NDUFA5: variants seen among roughly 807,000 people sequenced by gnomAD.
NDUFA5 encodes NADH dehydrogenase [ubiquinone] 1 alpha subcomplex subunit 5.
A neutral mutation model predicts 19.8 loss-of-function variants in NDUFA5; 11 were observed. That is an observed-to-expected ratio of 0.56 (90% CI 0.35 to 0.92). The LOEUF (loss-of-function observed/expected upper bound fraction) is 0.92. Among genes scored for constraint, NDUFA5 ranks in the 40% least tolerant of loss-of-function variants. NDUFA5 has a pLI of 0.01. For missense variants in NDUFA5, 109 were observed against 134.2 expected, an observed-to-expected ratio of 0.81 and a Z score of 0.93; for synonymous variants, 47 against 46.8, an observed-to-expected ratio of 1.00 and a Z score of -0.01.
At chr7:123,568,820 T>C in the NDUFA5 span, among the ~76,000 whole-genome samples, 9 of 152,156 alleles carry the variant, frequency 5.9e-5, no homozygotes, top group Non-Finnish European at 1.5e-5. Flanking sequence ...ATGAATACCT[T>C]AACATAATTT....
chr7:123,577,671 TAC>T, the NDUFA5 span, among the ~76,000 whole-genome samples: 1 of 152,112 alleles, frequency 6.6e-6, no homozygotes, highest in Non-Finnish European at 1.5e-5. Flanking sequence ...TGTTGAACAA[TAC>T]AGAGTCAAAC....
the NDUFA5 span, among the ~76,000 whole-genome samples, chr7:123,579,101 C>A: frequency 6.6e-6 from 1 of 151,954 alleles, no homozygotes; most frequent in African/African-American, 2.4e-5. Flanking sequence ...TCTATTGTAT[C>A]CATCTTTATG....
rs139337839 is a variant in NDUFA5 at position 123,550,227 on chromosome 7, C to G, written c.183+243G>C. ...AAATAGTGAAGAGAGGTAAAAGGAACAGCTACAATGTTACTTCAAGGAAGG... is the reference window on the plus strand; with the variant it reads ...AAATAGTGAAGAGAGGTAAAAGGAAGAGCTACAATGTTACTTCAAGGAAGG... On this transcript the variant is annotated intron_variant, in intron 3 of 4. Coordinates refer to ENST00000355749, the MANE Select transcript of NDUFA5 (RefSeq NM_005000.5). 6.4e-4 allele frequency: 236 copies of G among 368,160 alleles called. 1 individual carries two copies. The highest frequency in any genetic ancestry group is 4.3e-3 in the African/African-American group (198 of 46,004). 22.8% of individuals were successfully genotyped at this position (368,160 alleles called of 1,614,324 possible). A position where few individuals can be genotyped will look rare whatever the true frequency, so the allele number is the denominator to read the frequency against.
intron 4 of NDUFA5, among the ~76,000 whole-genome samples, chr7:123,542,489 A>G (rs1797975865): frequency 6.6e-6 from 1 of 152,150 alleles, no homozygotes; most frequent in South Asian, 2.1e-4. Flanking sequence ...TTTTATCTTA[A>G]TAATATTTCA....
chr7:123,575,881 A>T, the NDUFA5 span, among the ~76,000 whole-genome samples: 1 of 138,956 alleles, frequency 7.2e-6, no homozygotes, highest in Admixed American at 7.4e-5. Context: ...ATTTTTGGTT[A>T]CTTTTCCCTG....
chr7:123,589,911 A>G, the NDUFA5 span, among the ~76,000 whole-genome samples: 1 of 152,012 alleles, frequency 6.6e-6, no homozygotes, highest in Non-Finnish European at 1.5e-5. Context: ...TTCCACAATT[A>G]TTGAACTAAT....
the NDUFA5 span, chr7:123,567,163 G>A: frequency 6.6e-6 from 1 of 152,196 alleles, no homozygotes; most frequent in East Asian, 1.9e-4. Flanking sequence ...GAGGGGCAGT[G>A]GCTTGAGAGT....
At chr7:123,595,152 C>T in the NDUFA5 span, among the ~76,000 whole-genome samples, 1 of 152,196 alleles carries the variant, frequency 6.6e-6, no homozygotes, top group Non-Finnish European at 1.5e-5. Flanking sequence ...CTAAATGACA[C>T]TTGCCCTAAA....
At position 123,550,603 on chromosome 7, in the gene NDUFA5, T is replaced by C. The variant is rs113635352; in HGVS notation, c.67-17A>G. ...TCTTAGCCTCTGAAAAGACAAACCA[T>C]ACAAATTTCCATAGGTTAAAATATT... is the stretch of plus-strand genomic sequence containing the variant. On this transcript the variant is annotated splice_polypyrimidine_tract_variant and intron_variant, in intron 2 of 4. Transcript: ENST00000355749. 4 of 1,468,382 alleles carry C rather than the reference T, an allele frequency of 2.7e-6. No individual in the cohort carries two copies. The highest frequency in any genetic ancestry group is 1.4e-5 in the African/African-American group (1 of 71,002). 91.0% of individuals were successfully genotyped at this position (1,468,382 alleles called of 1,614,324 possible).
At chr7:123,553,293 A>G (rs1044243302) in intron 2 of NDUFA5, among the ~76,000 whole-genome samples, 1 of 152,392 alleles carries the variant, frequency 6.6e-6, no homozygotes, top group Admixed American at 6.5e-5. Flanking sequence ...TCATGGCAGA[A>G]GATGAAAGAG....
the NDUFA5 span, among the ~76,000 whole-genome samples, chr7:123,593,862 C>T: frequency 6.6e-6 from 1 of 152,282 alleles, no homozygotes; most frequent in South Asian, 2.1e-4. Context: ...TGGATAATAG[C>T]CTGAAGAGTG....
chr7:123,601,194 T>C, the NDUFA5 span, among the ~76,000 whole-genome samples: 2 of 152,184 alleles, frequency 1.3e-5, no homozygotes, highest in African/African-American at 4.8e-5. Context: ...ATAAACTTAA[T>C]TGGTTTTTTA....
At chr7:123,600,119 G>A in the NDUFA5 span, among the ~76,000 whole-genome samples, 1 of 152,098 alleles carries the variant, frequency 6.6e-6, no homozygotes, top group Non-Finnish European at 1.5e-5. Context: ...TGGTGCCATG[G>A]TCATTGTATC....
At chr7:123,584,545 A>T in the NDUFA5 span, among the ~76,000 whole-genome samples, 1 of 151,928 alleles carries the variant, frequency 6.6e-6, no homozygotes, top group African/African-American at 2.4e-5. Flanking sequence ...TTCTCCCTGT[A>T]ATAGATTAGT....
the NDUFA5 span, among the ~76,000 whole-genome samples, chr7:123,582,083 T>C: frequency 9.5e-3 from 1,449 of 152,102 alleles, 15 homozygotes; most frequent in South Asian, 0.033. Flanking sequence ...GTAAAATATC[T>C]GCAAAACAAG....
At position 123,541,382 on chromosome 7, in the gene NDUFA5, G is replaced by T. The variant is rs1274508914; in HGVS notation, c.*737C>A. 2 of 152,134 alleles carry T rather than the reference G, an allele frequency of 1.3e-5. No homozygotes were observed. The highest frequency in any genetic ancestry group is 1.3e-4 in the Admixed American group (2 of 15,282). 9.4% of individuals were successfully genotyped at this position (152,134 alleles called of 1,614,324 possible). ...GGAAAATTTCTCCAATAACCTGTAT[G>T]CAATGGGAAATCTTTCTTTTAAGTA... On this transcript the variant is annotated 3_prime_UTR_variant, in exon 5 of 5. Coordinates refer to ENST00000355749, the MANE Select transcript of NDUFA5 (RefSeq NM_005000.5).
At chr7:123,553,546 T>C (rs914160790) in intron 2 of NDUFA5, among the ~76,000 whole-genome samples, 2 of 152,084 alleles carry the variant, frequency 1.3e-5, no homozygotes, top group Non-Finnish European at 2.9e-5. Flanking sequence ...CAGGGTAAGC[T>C]ACAGAAGAGG....
At chr7:123,575,362 G>T in the NDUFA5 span, among the ~76,000 whole-genome samples, 1 of 151,846 alleles carries the variant, frequency 6.6e-6, no homozygotes, top group Non-Finnish European at 1.5e-5. Context: ...TGTTAAATAT[G>T]TTCATACCTC....
At chr7:123,573,099 C>G in the NDUFA5 span, among the ~76,000 whole-genome samples, 1 of 152,036 alleles carries the variant, frequency 6.6e-6, no homozygotes, top group Non-Finnish European at 1.5e-5. Context: ...AAAGTACTCC[C>G]TGAAATCACC....
Sources: gnomAD v4.1 joint callset for allele counts (sites outside exome capture counted in the v4.1 genomes callset) on GRCh38, gnomAD v4.1.1 for gene constraint, MANE v1.5 for transcripts, NCBI Gene and HGNC (gene_info 2026-07-23, HGNC 2026-07-21) for gene names.